The following AGPAT4 variants were observed in gnomAD, a reference collection of about 807,000 sequenced individuals.
AGPAT4 encodes 1-acyl-sn-glycerol-3-phosphate acyltransferase delta.
Under a neutral mutation model 48.0 loss-of-function variants are expected in AGPAT4, and 15 were observed. The ratio of observed to expected loss-of-function variants is 0.31; its 90% confidence interval spans 0.21 to 0.48. The LOEUF (loss-of-function observed/expected upper bound fraction) is 0.48, where lower values mean the gene tolerates loss of function less well. Ranked by LOEUF, AGPAT4 falls within the 20% of genes least tolerant of loss-of-function variation. The pLI is 0.99. For synonymous variants in AGPAT4, 178 were observed against 198.7 expected (o/e 0.90, Z 0.88); for missense variants, 314 against 482.5 (o/e 0.65, Z 3.27).
rs1782637445 is a variant in AGPAT4, at chr6:161,246,039, T to C, written c.-89-13737A>G. Among the ~76,000 whole-genome samples, 1 of 152,064 alleles carries C rather than the reference T, an allele frequency of 6.6e-6. No individual in the cohort carries two copies. Among genetic ancestry groups the C allele is most frequent in the African/African-American group, 2.4e-5 (1 of 41,422 alleles). On this transcript the variant is annotated intron_variant, in intron 1 of 8. Coordinates refer to ENST00000320285, the MANE Select transcript of AGPAT4 (RefSeq NM_020133.3). This position sits in a 1 kb window ranked among gnomAD's most constrained non-coding sequence, Gnocchi z 5.5. ...TAGCTCTGAAAAATGGCCACAAGAATACTGAAGTACTTGGATATGAAGGAT... is the reference window on the plus strand; with the variant it reads ...TAGCTCTGAAAAATGGCCACAAGAACACTGAAGTACTTGGATATGAAGGAT...
Position 161,217,167 on chromosome 6 carries a change from C to T in AGPAT4, c.178+14869G>A, listed in dbSNP as rs1250881374. ...AGCCAGGGGAGGGGCGGAGTGAGCACAGGCGTGGGGACGCGAAAGGACAGG... is the reference window on the plus strand; with the variant it reads ...AGCCAGGGGAGGGGCGGAGTGAGCATAGGCGTGGGGACGCGAAAGGACAGG... On this transcript the variant is annotated intron_variant, in intron 2 of 8. Coordinates refer to ENST00000320285, the MANE Select transcript of AGPAT4 (RefSeq NM_020133.3). This position sits in a 1 kb window ranked among gnomAD's most constrained non-coding sequence, Gnocchi z 4.9. Among the ~76,000 whole-genome samples, 4 of 152,192 alleles carry T rather than the reference C, an allele frequency of 2.6e-5. No homozygotes were observed. Among genetic ancestry groups the T allele is most frequent in the Non-Finnish European group, 5.9e-5 (4 of 68,030 alleles).
In AGPAT4 at chr6:161,132,304, A is replaced by G. The variant is rs1179469698; in HGVS notation, c.*4236T>C. On this transcript the variant is annotated 3_prime_UTR_variant, in exon 9 of 9. Coordinates refer to ENST00000320285, the MANE Select transcript of AGPAT4 (RefSeq NM_020133.3). ...AATTTCTTGTCCACACAGCCACCAT[A>G]TCCTTATATAGATGGGGAAAAATCC... is the stretch of plus-strand genomic sequence containing the variant. 1 of 152,208 alleles carries G rather than the reference A, an allele frequency of 6.6e-6. No individual in the cohort carries two copies. The highest frequency in any genetic ancestry group is 1.5e-5 in the Non-Finnish European group (1 of 68,040). The allele number at this position is 152,208 out of a possible 1,614,324, so 9.4% of individuals were successfully genotyped here. A position where few individuals can be genotyped will look rare whatever the true frequency, so the allele number is the denominator to read the frequency against.
In AGPAT4 at chr6:161,201,908, A is replaced by T. The variant is rs1781249702; in HGVS notation, c.178+30128T>A. ...AGTGTTCTTGGATATGCCAATGTTC[A>T]CATTAGATGTGTGAACTTTGATATG... On this transcript the variant is annotated intron_variant, in intron 2 of 8. Coordinates refer to ENST00000320285, the MANE Select transcript of AGPAT4 (RefSeq NM_020133.3). This position sits in a 1 kb window ranked among gnomAD's most constrained non-coding sequence, Gnocchi z 6.0. Among the ~76,000 whole-genome samples the T allele has an allele frequency of 6.6e-6, 1 of 152,162 alleles. No individual in the cohort carries two copies.
rs1001786522 is a variant in AGPAT4 at position 161,217,074 on chromosome 6, G to A, written c.178+14962C>T. ...TCCTGTCCTTGTCAATTTCCGTTTA[G>A]GTGTTTTATCATTAGGGCCTGACTC... is the stretch of plus-strand genomic sequence containing the variant. On this transcript the variant is annotated intron_variant, in intron 2 of 8. Transcript: ENST00000320285. The surrounding 1 kb of genome is among the most constrained non-coding windows in gnomAD (Gnocchi z 4.9). 2.0e-5 allele frequency among the ~76,000 whole-genome samples: 3 copies of A among 152,156 alleles called. No homozygotes were observed. In the South Asian group the frequency reaches 6.2e-4, roughly 32 times the overall value.
chr6:161,207,759 G>A (rs998601141), intron 2 of AGPAT4, among the ~76,000 whole-genome samples: 1 of 152,190 alleles, frequency 6.6e-6, no homozygotes, highest in Admixed American at 6.5e-5. Flanking sequence ...TTGGATATGG[G>A]GCAAGGAACA....
chr6:161,211,225 C>T (rs1409871337), intron 2 of AGPAT4, among the ~76,000 whole-genome samples: 2 of 152,062 alleles, frequency 1.3e-5, no homozygotes, highest in Non-Finnish European at 2.9e-5. Context: ...TGTAGACAAA[C>T]TCATCATAAT....
At chr6:161,228,390 G>A (rs1416227358) in intron 2 of AGPAT4, among the ~76,000 whole-genome samples, 1 of 152,078 alleles carries the variant, frequency 6.6e-6, no homozygotes, top group East Asian at 1.9e-4. Flanking sequence ...AAAACCATAA[G>A]CATCACAGTC....
At position 161,130,534 on chromosome 6, in the gene AGPAT4, G is replaced by C. The variant is rs1350071130; in HGVS notation, c.*6006C>G. ...TGAACCCTGGGTACAATTGATACAGGCTGAGAAGTAAGAATTCACTGTTCA... is the reference window on the plus strand; with the variant it reads ...TGAACCCTGGGTACAATTGATACAGCCTGAGAAGTAAGAATTCACTGTTCA... On this transcript the variant is annotated 3_prime_UTR_variant, in exon 9 of 9. Coordinates refer to ENST00000320285, the MANE Select transcript of AGPAT4 (RefSeq NM_020133.3). 5.3e-6 allele frequency: 1 copy of C among 186,978 alleles called. No individual in the cohort carries two copies. Among genetic ancestry groups the C allele is most frequent in the Non-Finnish European group, 1.1e-5 (1 of 87,594 alleles). 11.6% of individuals were successfully genotyped at this position (186,978 alleles called of 1,614,324 possible).
chr6:161,136,322 GAA>G lies in AGPAT4; in HGVS notation c.*216_*217del, dbSNP rs1205669278. 3.6e-6 allele frequency: 2 copies of G among 553,054 alleles called. No individual in the cohort carries two copies. Among genetic ancestry groups the G allele is most frequent in the Non-Finnish European group, 3.2e-6 (1 of 308,102 alleles). 34.3% of individuals were successfully genotyped at this position (553,054 alleles called of 1,614,324 possible). ...ATTCTCACACACACTCGCACAAAAA[GAA>G]AACCAAAGCCCACTAAAGCACATGG... On this transcript the variant is annotated 3_prime_UTR_variant, in exon 9 of 9. Transcript: ENST00000320285.
At chr6:161,209,459 G>A (rs1781467081) in intron 2 of AGPAT4, among the ~76,000 whole-genome samples, 1 of 152,194 alleles carries the variant, frequency 6.6e-6, no homozygotes, top group Non-Finnish European at 1.5e-5. Context: ...AGAAAGAGAA[G>A]GGAACTTTTC....
rs919388356 is a variant in AGPAT4 at position 161,166,134 on chromosome 6, G to A, written c.348+114C>T. 2.9e-6 allele frequency: 4 copies of A among 1,387,490 alleles called. No homozygotes were observed. The South Asian group carries it at 5.3e-5, about 18-fold the overall frequency. The allele number at this position is 1,387,490 out of a possible 1,614,324, so 85.9% of individuals were successfully genotyped here. A position where few individuals can be genotyped will look rare whatever the true frequency, so the allele number is the denominator to read the frequency against. ...CAGTTTATTAGGACCATTTCATCAA[G>A]TAGAAACTCTGTTGATTCTTCTGCA... On this transcript the variant is annotated intron_variant, in intron 3 of 8. Coordinates refer to ENST00000320285, the MANE Select transcript of AGPAT4 (RefSeq NM_020133.3). This position sits in a 1 kb window ranked among gnomAD's most constrained non-coding sequence, Gnocchi z 6.7.
At chr6:161,268,018 C>G (rs1475321417) in intron 1 of AGPAT4, among the ~76,000 whole-genome samples, 1 of 152,188 alleles carries the variant, frequency 6.6e-6, no homozygotes, top group Non-Finnish European at 1.5e-5. Context: ...GAAAGCAGAG[C>G]CCAGATGATC....
chr6:161,252,537 C>T (rs1314508454), intron 1 of AGPAT4, among the ~76,000 whole-genome samples: 1 of 152,138 alleles, frequency 6.6e-6, no homozygotes, highest in South Asian at 2.1e-4. Flanking sequence ...TTTGAAAATA[C>T]AATTGGACAG....
At chr6:161,136,679 T>G in intron 8 of AGPAT4, 45 bp from the exon 9 acceptor site, 3 of 1,541,142 alleles carry the variant, frequency 1.9e-6, no homozygotes, top group Non-Finnish European at 2.7e-6. Flanking sequence ...CCAAACAGAC[T>G]ACAGGGCCGT....
Position 161,232,200 on chromosome 6 carries a change from C to T in AGPAT4, c.14G>A (p.Gly5Glu). The change falls in exon 2 of 9, where the codon GGA becomes GAA. Residue 5 changes from glycine to glutamate, a missense_variant. Gly to Glu is a moderately conservative substitution (Grantham distance 98). Transcript: ENST00000320285. This position sits in a 1 kb window ranked among gnomAD's most constrained non-coding sequence, Gnocchi z 6.8. ...GCACAGGAACTGAGACTTCAGCAGT[C>T]CCGCGAGGTCCATGATGCGTGGACG... MDLA[G>E]LLKSQFLCHL... 1 of 1,613,926 alleles carries T rather than the reference C, an allele frequency of 6.2e-7. No individual in the cohort carries two copies. The highest frequency in any genetic ancestry group is 8.5e-7 in the Non-Finnish European group (1 of 1,179,976).
Position 161,229,748 on chromosome 6 carries a change from A to G in AGPAT4, c.178+2288T>C, listed in dbSNP as rs1782076801. ...TAGCCAGGACTCCTCCTCTAGAGGG[A>G]GGAATCTTCCCTTCCCGCTTCGGAT... On this transcript the variant is annotated intron_variant, in intron 2 of 8. Transcript: ENST00000320285. The surrounding 1 kb of genome is among the most constrained non-coding windows in gnomAD (Gnocchi z 6.0). Among the ~76,000 whole-genome samples the G allele has an allele frequency of 6.6e-6, 1 of 152,080 alleles. No homozygotes were observed.
Position 161,146,734 on chromosome 6 carries a change from G to T in AGPAT4, c.768-135C>A. On this transcript the variant is annotated intron_variant, in intron 6 of 8. Transcript: ENST00000320285. The surrounding 1 kb of genome is among the most constrained non-coding windows in gnomAD (Gnocchi z 7.1). ...TGTGGAACTGAAGAGAGTAATGCAA[G>T]TGATAGAAAGAAGGGGCGTTCCACA... 1 of 769,818 alleles carries T rather than the reference G, an allele frequency of 1.3e-6. No homozygotes were observed. The highest frequency in any genetic ancestry group is 2.1e-6 in the Non-Finnish European group (1 of 470,580). 47.7% of individuals were successfully genotyped at this position (769,818 alleles called of 1,614,324 possible). A position where few individuals can be genotyped will look rare whatever the true frequency, so the allele number is the denominator to read the frequency against.
rs966897189 is a variant in AGPAT4 at position 161,229,509 on chromosome 6, T to C, written c.178+2527A>G. ...CATGGCCTTGGTTACTGTGAAATAA[T>C]TGACAGAGGAAGTCTGTCAATTATT... On this transcript the variant is annotated intron_variant, in intron 2 of 8. Coordinates refer to ENST00000320285, the MANE Select transcript of AGPAT4 (RefSeq NM_020133.3). The surrounding 1 kb of genome is among the most constrained non-coding windows in gnomAD (Gnocchi z 6.0). 1.3e-5 allele frequency among the ~76,000 whole-genome samples: 2 copies of C among 152,068 alleles called. No homozygotes were observed. The highest frequency in any genetic ancestry group is 2.4e-5 in the African/African-American group (1 of 41,384).
chr6:161,164,007 T>C lies in AGPAT4; in HGVS notation c.348+2241A>G, dbSNP rs1780017099. Among the ~76,000 whole-genome samples, 1 of 152,110 alleles carries C rather than the reference T, an allele frequency of 6.6e-6. No individual in the cohort carries two copies. Among genetic ancestry groups the C allele is most frequent in the African/African-American group, 2.4e-5 (1 of 41,418 alleles). The stretch of plus-strand genomic sequence containing the variant: ...ACAGTAATGAGTGAAGTCCTATAAA[T>C]AGAATATCACCGATGAAATCAAGGG... On this transcript the variant is annotated intron_variant, in intron 3 of 8. Transcript: ENST00000320285. This position sits in a 1 kb window ranked among gnomAD's most constrained non-coding sequence, Gnocchi z 7.4.
Sources: gnomAD v4.1 joint callset for allele counts (sites outside exome capture counted in the v4.1 genomes callset) on GRCh38, gnomAD v4.1.1 for gene constraint, Gnocchi (gnomAD v3.1) non-coding constraint, MANE v1.5 for transcripts, NCBI Gene and HGNC (gene_info 2026-07-23, HGNC 2026-07-21) for gene names.